PLPPR5: variants seen among roughly 807,000 people sequenced by gnomAD.
PLPPR5 encodes phospholipid phosphatase-related protein type 5.
PLPPR5 carries 16 observed loss-of-function variants against 33.9 expected under a neutral mutation model. The observed-to-expected ratio is 0.47, with a 90% CI of 0.32 to 0.72. PLPPR5 has a LOEUF of 0.72. PLPPR5 is among the 30% of genes least tolerant of loss of function. The pLI is 0.03. For synonymous variants in PLPPR5, 163 were observed against 150.3 expected (o/e 1.08, Z -0.62); for missense variants, 301 against 406.7 (o/e 0.74, Z 2.23).
At chr1:98,951,103 T>C (rs963674619) in intron 3 of PLPPR5, among the ~76,000 whole-genome samples, 2 of 152,290 alleles carry the variant, frequency 1.3e-5, no homozygotes, top group Middle Eastern at 3.4e-3. Context: ...GGTCACGTAT[T>C]TATATGCAGA....
chr1:98,965,060 G>A (rs1013987657), intron 1 of PLPPR5, among the ~76,000 whole-genome samples: 12 of 147,346 alleles, frequency 8.1e-5, no homozygotes, highest in Admixed American at 2.8e-4. Flanking sequence ...CAGTCCGCCC[G>A]CCTCAGCCTC....
At chr1:98,978,414 T>C (rs1315705461) in intron 1 of PLPPR5, among the ~76,000 whole-genome samples, 3 of 152,090 alleles carry the variant, frequency 2.0e-5, no homozygotes, top group African/African-American at 7.2e-5. Flanking sequence ...TTCAGCTACA[T>C]GTAAATTATT....
At chr1:98,952,007 A>G (rs1650801794) in intron 3 of PLPPR5, among the ~76,000 whole-genome samples, 1 of 152,170 alleles carries the variant, frequency 6.6e-6, no homozygotes, top group South Asian at 2.1e-4. Context: ...TCACGCCTGT[A>G]ATGCCAGCAC....
chr1:98,915,303 T>G (rs1649302593), intron 4 of PLPPR5, among the ~76,000 whole-genome samples: 1 of 152,140 alleles, frequency 6.6e-6, no homozygotes, highest in Non-Finnish European at 1.5e-5. Context: ...ACAACTTAAT[T>G]TAAATGCTAA....
intron 5 of PLPPR5, among the ~76,000 whole-genome samples, chr1:98,904,261 C>CTTTTTTTT: frequency 8.5e-6 from 1 of 117,358 alleles, no homozygotes; most frequent in Non-Finnish European, 1.7e-5. Context: ...ATTACTTTCC[C>CTTTTTTTT]TTTTTTTTTT....
At chr1:98,970,792 C>G (rs1029554078) in intron 1 of PLPPR5, among the ~76,000 whole-genome samples, 9 of 151,964 alleles carry the variant, frequency 5.9e-5, no homozygotes, top group African/African-American at 2.2e-4. Context: ...TTATATTCAT[C>G]ATAAGAGATT....
At chr1:98,982,169 C>A (rs567042850) in intron 1 of PLPPR5, among the ~76,000 whole-genome samples, 3 of 152,166 alleles carry the variant, frequency 2.0e-5, no homozygotes, top group African/African-American at 7.2e-5. Flanking sequence ...TCTGAATGCA[C>A]CATGAGAACA....
At chr1:98,911,968 G>A (rs144553582) in intron 5 of PLPPR5, among the ~76,000 whole-genome samples, 144 of 152,116 alleles carry the variant, frequency 9.5e-4, no homozygotes, top group Non-Finnish European at 1.8e-3. Context: ...TCTCACTATT[G>A]TTACAGCCCA....
At chr1:98,978,628 T>C (rs1431099954) in intron 1 of PLPPR5, among the ~76,000 whole-genome samples, 3 of 152,100 alleles carry the variant, frequency 2.0e-5, no homozygotes, top group African/African-American at 7.2e-5. Context: ...CTTAACTTTA[T>C]GCAGATTACA....
intron 1 of PLPPR5, among the ~76,000 whole-genome samples, chr1:98,982,770 G>C (rs1019063417): frequency 2.0e-5 from 3 of 152,084 alleles, no homozygotes; most frequent in African/African-American, 7.2e-5. Flanking sequence ...CTTGAGGAAA[G>C]CAGGAGAGGC....
At chr1:98,977,433 C>A (rs548229958) in intron 1 of PLPPR5, among the ~76,000 whole-genome samples, 45 of 151,362 alleles carry the variant, frequency 3.0e-4, no homozygotes, top group African/African-American at 1.1e-3. Flanking sequence ...CTCCCATCTT[C>A]CTGCCCCAAA....
At chr1:98,920,610 G>T (rs1962520) in intron 4 of PLPPR5, among the ~76,000 whole-genome samples, 1 of 22,154 alleles carries the variant, frequency 4.5e-5, no homozygotes, top group African/African-American at 1.1e-4. Flanking sequence ...AAAAAAAAAA[G>T]CAGCACAGGA....
intron 5 of PLPPR5, among the ~76,000 whole-genome samples, chr1:98,907,203 C>CTTTTTT (rs5776440): frequency 2.3e-5 from 3 of 132,176 alleles, no homozygotes; most frequent in Admixed American, 7.8e-5. Context: ...TATTGTAATC[C>CTTTTTT]TTTTTTTTTT....
At chr1:98,987,988 G>A (rs947387252) in intron 1 of PLPPR5, among the ~76,000 whole-genome samples, 28 of 151,940 alleles carry the variant, frequency 1.8e-4, no homozygotes, top group Non-Finnish European at 1.6e-4. Context: ...CTATTCATGG[G>A]CATTCTTATT....
intron 1 of PLPPR5, among the ~76,000 whole-genome samples, chr1:98,998,177 T>A (rs1286623226): frequency 6.6e-6 from 1 of 151,932 alleles, no homozygotes; most frequent in African/African-American, 2.4e-5. Flanking sequence ...AGTGAAAGTA[T>A]CTAAGTGAAC....
intron 5 of PLPPR5, among the ~76,000 whole-genome samples, chr1:98,905,982 A>G (rs1570684581): frequency 6.6e-6 from 1 of 152,038 alleles, no homozygotes; most frequent in Non-Finnish European, 1.5e-5. Context: ...CTTGCATCCA[A>G]TGTTATGCAG....
intron 2 of PLPPR5, among the ~76,000 whole-genome samples, chr1:98,954,025 G>A (rs975848334): frequency 6.6e-6 from 1 of 151,972 alleles, no homozygotes; most frequent in Admixed American, 6.6e-5. Context: ...CAAAATTATA[G>A]GTTATTAATG....
intron 3 of PLPPR5, among the ~76,000 whole-genome samples, chr1:98,932,296 T>A (rs1455947143): frequency 6.6e-6 from 1 of 152,180 alleles, no homozygotes. Context: ...CTAAACTCTG[T>A]GTATGACATG....
chr1:98,930,788 C>T (rs1244811188), intron 3 of PLPPR5, among the ~76,000 whole-genome samples: 1 of 152,030 alleles, frequency 6.6e-6, no homozygotes, highest in Non-Finnish European at 1.5e-5. Flanking sequence ...AGGAAGTGCT[C>T]TTCTTTCCCC....
Sources: allele counts gnomAD v4.1 joint callset (sites outside exome capture counted in the v4.1 genomes callset), GRCh38; gene constraint gnomAD v4.1.1; transcripts MANE v1.5; gene names NCBI Gene and HGNC (gene_info 2026-07-23, HGNC 2026-07-21).